Variants in PTPN12 observed in about 807,000 individuals in gnomAD.
The protein encoded by PTPN12 is protein tyrosine phosphatase non-receptor type 12, also known as tyrosine-protein phosphatase non-receptor type 12.
PTPN12 carries 29 observed loss-of-function variants against 97.6 expected under a neutral mutation model. That is an observed-to-expected ratio of 0.30 (90% CI 0.22 to 0.41). The LOEUF (loss-of-function observed/expected upper bound fraction) is 0.41, where lower values mean the gene tolerates loss of function less well. Among genes scored for constraint, PTPN12 ranks in the 10% least tolerant of loss-of-function variants. PTPN12 has a pLI of 1.00. For missense variants in PTPN12, 819 were observed against 926.0 expected, an observed-to-expected ratio of 0.88 and a Z score of 1.50; for synonymous variants, 327 against 300.4, an observed-to-expected ratio of 1.09 and a Z score of -0.91.
At chr7:77,618,350 C>CTT in intron 11 of PTPN12, 130 bp from the exon 12 acceptor site, 21 of 492,264 alleles carry the variant, frequency 4.3e-5, no homozygotes, top group East Asian at 1.1e-4. Flanking sequence ...GAATATAAGA[C>CTT]TTTTTTTTTT....
chr7:77,580,141 GA>G (rs1304159200), intron 2 of PTPN12, among the ~76,000 whole-genome samples: 10 of 152,274 alleles, frequency 6.6e-5, no homozygotes, highest in African/African-American at 2.4e-4. Context: ...TCACATGATG[GA>G]ATTCTCTGTT....
intron 12 of PTPN12, among the ~76,000 whole-genome samples, chr7:77,624,011 A>G (rs1343919774): frequency 6.6e-6 from 1 of 152,188 alleles, no homozygotes; most frequent in Non-Finnish European, 1.5e-5. Flanking sequence ...CTGTAATCCC[A>G]GCTCTTTGGG....
intron 1 of PTPN12, among the ~76,000 whole-genome samples, chr7:77,540,546 C>G (rs993208946): frequency 1.1e-4 from 16 of 151,982 alleles, no homozygotes; most frequent in African/African-American, 3.6e-4. Context: ...GAGTTCATTT[C>G]TCCAAGAGTA....
At chr7:77,634,380 T>TACCAATA (rs1789511595) in intron 14 of PTPN12, among the ~76,000 whole-genome samples, 1 of 152,184 alleles carries the variant, frequency 6.6e-6, no homozygotes, top group Non-Finnish European at 1.5e-5. Flanking sequence ...TTTACCAATA[T>TACCAATA]ATTAATTTTG....
At chr7:77,538,019 C>A (rs982110850) in intron 1 of PTPN12, 1 of 1,028,588 alleles carries the variant, frequency 9.7e-7, no homozygotes, top group Non-Finnish European at 1.2e-6. Flanking sequence ...CCGCGCAGTT[C>A]GCTCCTCCCA....
chr7:77,583,558 G>A lies in PTPN12; in HGVS notation c.289G>A (p.Val97Ile), dbSNP rs770147304. ...DYINANFIKG[V>I]YGPKAYVATQ... is the part of the protein sequence containing the mutation. Reference sequence around the variant, plus strand: ...ATTTGCTTTTAACCATTTTTAGGGCGTCTATGGGCCAAAAGCATATGTAGC... The same window carrying A: ...ATTTGCTTTTAACCATTTTTAGGGCATCTATGGGCCAAAAGCATATGTAGC... The change falls in exon 4 of 18, where the codon GTC (valine) becomes ATC (isoleucine). Residue 97 changes from valine to isoleucine, a missense_variant. Physicochemically the swap from Val to Ile is conservative, Grantham distance 29. Transcript: ENST00000248594. 4.0e-5 allele frequency: 64 copies of A among 1,594,376 alleles called. No homozygotes were observed. Among genetic ancestry groups the A allele is most frequent in the South Asian group, 3.0e-4 (26 of 87,004 alleles).
chr7:77,620,428 A>T (rs996313425), intron 12 of PTPN12, among the ~76,000 whole-genome samples: 12 of 152,236 alleles, frequency 7.9e-5, no homozygotes, highest in African/African-American at 2.9e-4. Context: ...TAATACATGC[A>T]TAGGTCACCT....
intron 12 of PTPN12, among the ~76,000 whole-genome samples, chr7:77,622,998 G>A (rs1194890981): frequency 1.4e-5 from 2 of 142,606 alleles, no homozygotes; most frequent in South Asian, 4.3e-4. Flanking sequence ...GGAGAGTAGG[G>A]AAGAAGAAAT....
At chr7:77,612,725 C>T (rs1415703517) in intron 11 of PTPN12, among the ~76,000 whole-genome samples, 2 of 151,808 alleles carry the variant, frequency 1.3e-5, no homozygotes, top group Non-Finnish European at 2.9e-5. Flanking sequence ...GCATGAGCCA[C>T]CGCGCCCGGC....
chr7:77,547,414 T>C (rs1807275968), intron 1 of PTPN12, among the ~76,000 whole-genome samples: 1 of 152,164 alleles, frequency 6.6e-6, no homozygotes, highest in Admixed American at 6.5e-5. Flanking sequence ...AAGCCCATTT[T>C]AGGGGGAAGA....
chr7:77,635,014 C>T (rs1789539479), intron 14 of PTPN12, among the ~76,000 whole-genome samples: 1 of 151,974 alleles, frequency 6.6e-6, no homozygotes, highest in Non-Finnish European at 1.5e-5. Flanking sequence ...TCACTCCCAA[C>T]TAATTTTTTT....
intron 14 of PTPN12, among the ~76,000 whole-genome samples, chr7:77,634,302 G>T (rs1789508892): frequency 6.6e-6 from 1 of 152,170 alleles, no homozygotes; most frequent in Admixed American, 6.5e-5. Flanking sequence ...AAAAAAGAGT[G>T]CAGAAACAGC....
intron 5 of PTPN12, among the ~76,000 whole-genome samples, chr7:77,587,536 A>C (rs1313772141): frequency 6.6e-6 from 1 of 152,250 alleles, no homozygotes; most frequent in Non-Finnish European, 1.5e-5. Context: ...TATAGAGGAC[A>C]GACAGAGTAC....
intron 11 of PTPN12, among the ~76,000 whole-genome samples, chr7:77,612,413 T>G (rs192197802): frequency 6.6e-6 from 1 of 152,326 alleles, no homozygotes; most frequent in Admixed American, 6.5e-5. Context: ...TATTTTATAA[T>G]GTAGAATCAA....
At chr7:77,552,570 C>T (rs1807527571) in intron 1 of PTPN12, among the ~76,000 whole-genome samples, 1 of 152,008 alleles carries the variant, frequency 6.6e-6, no homozygotes, top group East Asian at 1.9e-4. Context: ...GCCTTTAAAA[C>T]AGGTTATAGA....
Position 77,537,514 on chromosome 7 carries a change from GGCCAGCGACC to G in PTPN12, c.-30_-21del. The stretch of plus-strand genomic sequence containing the variant: ...GTGCCGGGCGGGCGGGCGGCGGGGG[GGCCAGCGACC>G]GCAGCCGGGGGGACGCGGGAGGATG... On this transcript the variant is annotated 5_prime_UTR_variant, in exon 1 of 18. Coordinates refer to ENST00000248594, the MANE Select transcript of PTPN12 (RefSeq NM_002835.4). 1 of 1,562,406 alleles carries G rather than the reference GGCCAGCGACC, an allele frequency of 6.4e-7. No homozygotes were observed. Among genetic ancestry groups the G allele is most frequent in the Non-Finnish European group, 8.7e-7 (1 of 1,155,984 alleles).
chr7:77,557,990 C>T (rs537400726), intron 1 of PTPN12, among the ~76,000 whole-genome samples: 36 of 151,984 alleles, frequency 2.4e-4, no homozygotes, highest in African/African-American at 8.2e-4. Context: ...GCGGGCAGAT[C>T]ACGTGAGCTC....
chr7:77,580,403 A>G (rs1486609448), intron 2 of PTPN12, among the ~76,000 whole-genome samples: 1 of 152,234 alleles, frequency 6.6e-6, no homozygotes, highest in African/African-American at 2.4e-5. Context: ...TATACTATAA[A>G]CTGAAAAGTA....
chr7:77,538,454 A>G (rs773495089), intron 1 of PTPN12, among the ~76,000 whole-genome samples: 76 of 151,156 alleles, frequency 5.0e-4, no homozygotes, highest in Non-Finnish European at 8.6e-4. Context: ...GGGGGTGGGG[A>G]ACTTGGGAAC....
Sources: gnomAD v4.1 joint callset for allele counts (sites outside exome capture counted in the v4.1 genomes callset) on GRCh38, gnomAD v4.1.1 for gene constraint, MANE v1.5 for transcripts, NCBI Gene and HGNC (gene_info 2026-07-23, HGNC 2026-07-21) for gene names.